Variants in SLC35F4 observed in about 807,000 individuals in gnomAD.
SLC35F4 encodes the protein chromosome 14 open reading frame 36.
SLC35F4 carries 24 observed loss-of-function variants against 44.2 expected under a neutral mutation model. The ratio of observed to expected loss-of-function variants is 0.54; its 90% CI spans 0.39 to 0.76. The LOEUF (loss-of-function observed/expected upper bound fraction) is 0.76, where lower values mean the gene tolerates loss of function less well. Ranked by LOEUF, SLC35F4 falls within the 30% of genes least tolerant of loss-of-function variation. SLC35F4 has a pLI of 0.00. For missense variants in SLC35F4, 562 were observed against 586.1 expected, an observed-to-expected ratio of 0.96 and a Z score of 0.42; for synonymous variants, 238 against 223.6, an observed-to-expected ratio of 1.06 and a Z score of -0.57.
intron 1 of SLC35F4, among the ~76,000 whole-genome samples, chr14:57,715,159 T>C (rs8008789): frequency 0.41 from 62,131 of 151,664 alleles, 12,739 homozygotes; most frequent in Middle Eastern, 0.46. Context: ...GTCTGCAGGG[T>C]TATAGGGGGA....
chr14:57,639,179 G>C (rs569438667), intron 1 of SLC35F4, among the ~76,000 whole-genome samples: 1 of 152,140 alleles, frequency 6.6e-6, no homozygotes, highest in East Asian at 1.9e-4. Context: ...CATTAGCTAA[G>C]TTAGATTAAG....
chr14:57,743,205 C>T (rs1410450562), intron 1 of SLC35F4, among the ~76,000 whole-genome samples: 4 of 151,954 alleles, frequency 2.6e-5, no homozygotes, highest in Non-Finnish European at 5.9e-5. Context: ...TAGCAGAAGG[C>T]AAGAAATAAC....
chr14:57,853,910 C>T (rs969340060), intron 1 of SLC35F4, among the ~76,000 whole-genome samples: 4 of 152,144 alleles, frequency 2.6e-5, no homozygotes, highest in African/African-American at 9.7e-5. Flanking sequence ...TTTGCTTCAG[C>T]TAGTTCAAGT....
At chr14:57,743,015 T>G (rs1169122726) in intron 1 of SLC35F4, among the ~76,000 whole-genome samples, 1 of 152,154 alleles carries the variant, frequency 6.6e-6, no homozygotes. Flanking sequence ...AGATGTTCTT[T>G]GAAACCAATG....
In SLC35F4 at chr14:57,913,387, T is replaced by G. The variant is rs570966740; in HGVS notation, n.282+68526A>C. Among the ~76,000 whole-genome samples, 71 of 152,250 alleles carry G rather than the reference T, an allele frequency of 4.7e-4. 1 individual carries two copies. Among genetic ancestry groups the G allele is most frequent in the Middle Eastern group, 3.4e-3 (1 of 294 alleles). On this transcript the variant is annotated intron_variant and non_coding_transcript_variant, in intron 1 of 1. Transcript: ENST00000556568. ...TTTTTCTGCCTTTTGTGGTTTCAAT[T>G]AAGCATTTTATATTATTTTATTTCC...
chr14:57,791,722 C>T (rs2077924241), intron 1 of SLC35F4, among the ~76,000 whole-genome samples: 2 of 152,174 alleles, frequency 1.3e-5, no homozygotes, highest in Non-Finnish European at 2.9e-5. Flanking sequence ...CCCAAATGCC[C>T]ATTAAAGATA....
intron 1 of SLC35F4, among the ~76,000 whole-genome samples, chr14:57,961,808 C>A (rs1023618328): frequency 3.3e-5 from 5 of 152,206 alleles, no homozygotes; most frequent in Admixed American, 1.3e-4. Context: ...CCTCAAGCCT[C>A]AGCCCTCCCT....
intron 1 of SLC35F4, among the ~76,000 whole-genome samples, chr14:57,680,860 A>G (rs2074874904): frequency 6.6e-6 from 1 of 152,266 alleles, no homozygotes; most frequent in East Asian, 1.9e-4. Context: ...CTGCTCAAGT[A>G]AATAAGAGAG....
chr14:57,917,798 C>T (rs1774329182), intron 1 of SLC35F4, among the ~76,000 whole-genome samples: 1 of 152,174 alleles, frequency 6.6e-6, no homozygotes, highest in Admixed American at 6.5e-5. Flanking sequence ...AGTTAGTGAG[C>T]ATAGCACCAG....
At chr14:57,752,388 T>C (rs1326187480) in intron 1 of SLC35F4, among the ~76,000 whole-genome samples, 1 of 152,028 alleles carries the variant, frequency 6.6e-6, no homozygotes, top group East Asian at 1.9e-4. Flanking sequence ...TGGAAGAAAG[T>C]AACTTGAGTC....
intron 4 of SLC35F4, among the ~76,000 whole-genome samples, chr14:57,573,984 A>G (rs1289925434): frequency 6.6e-6 from 1 of 152,226 alleles, no homozygotes; most frequent in African/African-American, 2.4e-5. Flanking sequence ...TATTAAAAGC[A>G]TTCTATAATA....
intron 1 of SLC35F4, among the ~76,000 whole-genome samples, chr14:57,699,570 T>C (rs1413803131): frequency 6.6e-6 from 1 of 152,176 alleles, no homozygotes; most frequent in East Asian, 1.9e-4. Context: ...GCTTTCTTCT[T>C]TCAAATCAAG....
intron 1 of SLC35F4, among the ~76,000 whole-genome samples, chr14:57,946,924 G>T (rs1397359964): frequency 6.6e-6 from 1 of 151,938 alleles, no homozygotes; most frequent in African/African-American, 2.4e-5. Context: ...GTTTGTTTTT[G>T]TTTTTGTTTT....
intron 1 of SLC35F4, among the ~76,000 whole-genome samples, chr14:57,902,703 G>T (rs981008438): frequency 1.3e-5 from 2 of 152,142 alleles, no homozygotes; most frequent in African/African-American, 4.8e-5. Context: ...ATAAATGTTA[G>T]AATTAAAAGA....
chr14:57,963,294 T>G (rs1157869976), intron 1 of SLC35F4, among the ~76,000 whole-genome samples: 1 of 152,166 alleles, frequency 6.6e-6, no homozygotes, highest in Non-Finnish European at 1.5e-5. Context: ...CATGCTCTCA[T>G]GATGTGGCTT....
At chr14:57,835,158 G>A (rs1288473896) in intron 1 of SLC35F4, among the ~76,000 whole-genome samples, 1 of 152,220 alleles carries the variant, frequency 6.6e-6, no homozygotes, top group African/African-American at 2.4e-5. Flanking sequence ...TGCCCATGGG[G>A]CAACCCGTGC....
intron 1 of SLC35F4, among the ~76,000 whole-genome samples, chr14:57,669,776 ATTGG>A (rs950165704): frequency 6.6e-6 from 1 of 152,026 alleles, no homozygotes; most frequent in Non-Finnish European, 1.5e-5. Flanking sequence ...CACCAGGGAT[ATTGG>A]TCTAAAATTC....
At position 57,940,392 on chromosome 14, in the gene SLC35F4, C is replaced by T. The variant is rs566646571; in HGVS notation, n.282+41521G>A. Reference sequence around the variant, plus strand: ...ATCCTAAAAAATAGTTCATTCTGTACACCCTAAAATTGTTTTTTTTTAAGT... The same window carrying T: ...ATCCTAAAAAATAGTTCATTCTGTATACCCTAAAATTGTTTTTTTTTAAGT... On this transcript the variant is annotated intron_variant and non_coding_transcript_variant, in intron 1 of 1. Transcript: ENST00000556568. Among the ~76,000 whole-genome samples the T allele has an allele frequency of 2.0e-4, 30 of 152,234 alleles. No individual in the cohort carries two copies. The East Asian group carries it at 5.6e-3, about 28-fold the overall frequency.
intron 1 of SLC35F4, among the ~76,000 whole-genome samples, chr14:57,646,133 C>A (rs921889876): frequency 1.3e-5 from 2 of 152,142 alleles, no homozygotes; most frequent in African/African-American, 4.8e-5. Flanking sequence ...TGATGCTGGC[C>A]TCATAAAATG....
Sources: gnomAD v4.1 joint callset for allele counts (sites outside exome capture counted in the v4.1 genomes callset) on GRCh38, gnomAD v4.1.1 for gene constraint, MANE v1.5 for transcripts, NCBI Gene and HGNC (gene_info 2026-07-23, HGNC 2026-07-21) for gene names.